The following ADAM12 variants were observed in gnomAD, a reference collection of about 807,000 sequenced individuals.
ADAM12 encodes the protein disintegrin and metalloproteinase domain-containing protein 12.
Under a neutral mutation model 106.4 loss-of-function variants are expected in ADAM12, and 70 were observed. The ratio of observed to expected loss-of-function variants is 0.66; its 90% confidence interval spans 0.54 to 0.80. The LOEUF (loss-of-function observed/expected upper bound fraction) is 0.80, where lower values mean the gene tolerates loss of function less well. ADAM12 is among the 30% of genes least tolerant of loss of function. ADAM12 has a pLI of 0.00. For missense variants in ADAM12, 1,010 were observed against 1,171.9 expected, an observed-to-expected ratio of 0.86 and a Z score of 2.02; for synonymous variants, 420 against 433.5, an observed-to-expected ratio of 0.97 and a Z score of 0.39.
chr10:126,274,943 G>A (rs565796894), intron 3 of ADAM12, among the ~76,000 whole-genome samples: 1 of 152,294 alleles, frequency 6.6e-6, no homozygotes, highest in Non-Finnish European at 1.5e-5. Context: ...TTCTGTTATT[G>A]TTCTAGAGTG....
chr10:126,289,132 G>A (rs1268631923), intron 2 of ADAM12, among the ~76,000 whole-genome samples: 2 of 152,202 alleles, frequency 1.3e-5, no homozygotes, highest in Non-Finnish European at 2.9e-5. Flanking sequence ...GGACCATGTG[G>A]TGACTTGGTG....
intron 3 of ADAM12, among the ~76,000 whole-genome samples, chr10:126,259,854 G>T (rs1168232117): frequency 6.6e-6 from 1 of 152,218 alleles, no homozygotes; most frequent in African/African-American, 2.4e-5. Flanking sequence ...AAAACTGAGG[G>T]AAATCGAGTC....
rs543368942 is a variant in ADAM12 at position 126,222,362 on chromosome 10, GT to G, written c.260+56552del. Among the ~76,000 whole-genome samples the G allele has an allele frequency of 2.8e-4, 42 of 152,096 alleles. No homozygotes were observed. The East Asian group carries it at 8.1e-3, about 29-fold the overall frequency. On this transcript the variant is annotated intron_variant, in intron 3 of 22. Coordinates refer to ENST00000448723, the MANE Select transcript of ADAM12 (RefSeq NM_001288973.2). Reference sequence around the variant, plus strand: ...AAAGCATGGTGCCATTCCTCACTGTGTATCTTTGGGAAAATCTGTTAGCCTC... The same window carrying G: ...AAAGCATGGTGCCATTCCTCACTGTGATCTTTGGGAAAATCTGTTAGCCTC...
At chr10:126,384,450 C>T (rs907938832) in intron 1 of ADAM12, among the ~76,000 whole-genome samples, 2 of 152,106 alleles carry the variant, frequency 1.3e-5, no homozygotes, top group Non-Finnish European at 2.9e-5. Flanking sequence ...GATGATTCAA[C>T]ACAGGAAGGA....
At chr10:126,150,588 C>A (rs1306535281) in intron 4 of ADAM12, among the ~76,000 whole-genome samples, 1 of 152,142 alleles carries the variant, frequency 6.6e-6, no homozygotes, top group Admixed American at 6.5e-5. Context: ...ATCCCCTGAT[C>A]CTGTCTCCTT....
chr10:126,320,869 C>T (rs1285716634), intron 2 of ADAM12, among the ~76,000 whole-genome samples: 1 of 152,024 alleles, frequency 6.6e-6, no homozygotes, highest in Non-Finnish European at 1.5e-5. Context: ...AAATGGGGAA[C>T]CAAGGTATGC....
In ADAM12 at chr10:126,156,711, C is replaced by T. The variant is rs539329214; in HGVS notation, c.261-1406G>A. On this transcript the variant is annotated intron_variant, in intron 3 of 22. Transcript: ENST00000448723. ...AGCATCCTGCAAGGGAAAGGCTTTGCGTAGGGATCCGACAACTACTGGGCC... is the reference window on the plus strand; with the variant it reads ...AGCATCCTGCAAGGGAAAGGCTTTGTGTAGGGATCCGACAACTACTGGGCC... 1.1e-4 allele frequency among the ~76,000 whole-genome samples: 17 copies of T among 152,282 alleles called. No individual in the cohort carries two copies. The East Asian group carries it at 2.1e-3, about 19-fold the overall frequency.
At chr10:126,328,367 A>T (rs968696012) in intron 2 of ADAM12, among the ~76,000 whole-genome samples, 1 of 152,224 alleles carries the variant, frequency 6.6e-6, no homozygotes, top group Non-Finnish European at 1.5e-5. Context: ...TCACGTGAGT[A>T]TGTTTTGTAT....
At chr10:126,374,734 T>C (rs1323254339) in intron 1 of ADAM12, among the ~76,000 whole-genome samples, 5 of 152,066 alleles carry the variant, frequency 3.3e-5, no homozygotes, top group Non-Finnish European at 5.9e-5. Flanking sequence ...CCCAACTACA[T>C]ATAACAAAAG....
At chr10:126,305,444 T>C (rs1960802540) in intron 2 of ADAM12, among the ~76,000 whole-genome samples, 1 of 152,064 alleles carries the variant, frequency 6.6e-6, no homozygotes, top group South Asian at 2.1e-4. Flanking sequence ...AACAGATTGG[T>C]CGTTACTTGA....
intron 8 of ADAM12, among the ~76,000 whole-genome samples, chr10:126,101,555 A>T (rs147733829): frequency 1.3e-5 from 2 of 152,242 alleles, no homozygotes; most frequent in Non-Finnish European, 2.9e-5. Flanking sequence ...GTACATACAG[A>T]TGTGTATTAT....
At chr10:126,353,511 C>T (rs1855432257) in intron 1 of ADAM12, among the ~76,000 whole-genome samples, 1 of 152,176 alleles carries the variant, frequency 6.6e-6, no homozygotes, top group Non-Finnish European at 1.5e-5. Flanking sequence ...CAGAAAGCAA[C>T]AAGCACAGAC....
rs146760381 is a variant in ADAM12, at chr10:126,278,350, C to T, written c.260+565G>A. 3.2e-4 allele frequency among the ~76,000 whole-genome samples: 48 copies of T among 152,226 alleles called. 2 individuals carry two copies. Among genetic ancestry groups the T allele is most frequent in the African/African-American group, 1.1e-3 (47 of 41,526 alleles). ...CAGACAAAGTTTTCTGCTAGTAAGG[C>T]ACACAAAATGTATAATAGTATCCAA... On this transcript the variant is annotated intron_variant, in intron 3 of 22. Transcript: ENST00000448723.
intron 3 of ADAM12, among the ~76,000 whole-genome samples, chr10:126,159,412 A>G (rs1380441): frequency 0.77 from 116,839 of 151,630 alleles, 45,776 homozygotes; most frequent in Middle Eastern, 0.85. Context: ...TAATTATTAC[A>G]TATATTATTT....
At chr10:126,042,628 A>C (rs1278260) in intron 18 of ADAM12, among the ~76,000 whole-genome samples, 31,366 of 152,072 alleles carry the variant, frequency 0.21, 3,570 homozygotes, top group East Asian at 0.29. Context: ...TGTCACCTTT[A>C]CTAAGAGGTG....
chr10:126,107,565 C>T (rs952341252), intron 8 of ADAM12, among the ~76,000 whole-genome samples: 6 of 152,190 alleles, frequency 3.9e-5, no homozygotes, highest in African/African-American at 7.2e-5. Flanking sequence ...CCTCACAAAC[C>T]ACTATGTGTA....
chr10:126,158,763 G>A (rs1354055742), intron 3 of ADAM12, among the ~76,000 whole-genome samples: 1 of 147,284 alleles, frequency 6.8e-6, no homozygotes, highest in African/African-American at 2.5e-5. Flanking sequence ...ACAGAGCACG[G>A]GTGGGAGGAT....
At chr10:126,044,005 CT>C (rs2133420640) in intron 17 of ADAM12, among the ~76,000 whole-genome samples, 1 of 152,350 alleles carries the variant, frequency 6.6e-6, no homozygotes, top group South Asian at 2.1e-4. Context: ...CCAAGGGCTA[CT>C]GATGGCGGCC....
At position 126,240,139 on chromosome 10, in the gene ADAM12, C is replaced by A. The variant is rs575603214; in HGVS notation, c.260+38776G>T. ...AGTGCTGTATCCATTGTGTGATGACCAGCCCGAGGGCAGAGACCTGGCTGA... is the reference window on the plus strand; with the variant it reads ...AGTGCTGTATCCATTGTGTGATGACAAGCCCGAGGGCAGAGACCTGGCTGA... On this transcript the variant is annotated intron_variant, in intron 3 of 22. Transcript: ENST00000448723. Among the ~76,000 whole-genome samples, 3 of 152,362 alleles carry A rather than the reference C, an allele frequency of 2.0e-5. No homozygotes were observed. The South Asian group carries it at 6.2e-4, about 32-fold the overall frequency.
Sources: allele counts gnomAD v4.1 joint callset (sites outside exome capture counted in the v4.1 genomes callset), GRCh38; gene constraint gnomAD v4.1.1; transcripts MANE v1.5; gene names NCBI Gene and HGNC (gene_info 2026-07-23, HGNC 2026-07-21).